CDH12: variants seen among roughly 807,000 people sequenced by gnomAD.
CDH12 encodes the protein cadherin 12.
CDH12 carries 41 observed loss-of-function variants against 74.1 expected under a neutral mutation model. The ratio of observed to expected loss-of-function variants is 0.55; its 90% CI spans 0.43 to 0.72. CDH12 has a LOEUF of 0.72. Among genes scored for constraint, CDH12 ranks in the 30% least tolerant of loss-of-function variants. The pLI, the probability that CDH12 is intolerant of heterozygous loss-of-function variation, is 0.00. For synonymous variants in CDH12, 399 were observed against 355.0 expected (o/e 1.12, Z -1.39); for missense variants, 945 against 977.2 (o/e 0.97, Z 0.44).
intron 5 of CDH12, among the ~76,000 whole-genome samples, chr5:22,060,157 T>C (rs1300763221): frequency 2.0e-5 from 3 of 152,134 alleles, no homozygotes; most frequent in Non-Finnish European, 2.9e-5. Flanking sequence ...AATGAGTTCA[T>C]GTCCTTTGCA....
intron 6 of CDH12, among the ~76,000 whole-genome samples, chr5:21,905,314 A>G (rs904934149): frequency 2.0e-5 from 3 of 152,228 alleles, no homozygotes; most frequent in Non-Finnish European, 2.9e-5. Context: ...TTAAAATTAC[A>G]AAGATTTGGG....
chr5:22,444,764 G>C (rs1273605673), intron 2 of CDH12, among the ~76,000 whole-genome samples: 1 of 151,940 alleles, frequency 6.6e-6, no homozygotes, highest in Non-Finnish European at 1.5e-5. Flanking sequence ...TATTTCAGAT[G>C]ATGATTAACC....
At chr5:22,009,967 A>G (rs1737207017) in intron 5 of CDH12, among the ~76,000 whole-genome samples, 1 of 151,086 alleles carries the variant, frequency 6.6e-6, no homozygotes, top group Non-Finnish European at 1.5e-5. Flanking sequence ...AAAGAAAAAA[A>G]GAAAGAAAAA....
intron 5 of CDH12, among the ~76,000 whole-genome samples, chr5:21,976,998 A>G (rs942892716): frequency 1.3e-5 from 2 of 152,104 alleles, no homozygotes; most frequent in African/African-American, 4.8e-5. Context: ...CTTTAAGTTC[A>G]ATAAAATAAT....
In CDH12 at chr5:21,925,115, G is replaced by A. The variant is rs554513465; in HGVS notation, c.526+49976C>T. Among the ~76,000 whole-genome samples, 5 of 152,296 alleles carry A rather than the reference G, an allele frequency of 3.3e-5. No individual in the cohort carries two copies. In the South Asian group the frequency reaches 6.2e-4, roughly 19 times the overall value. ...GCTACAGCGTTACTACAGCAGCAAA[G>A]ATGGGAAGATCAAATTCTGAATATT... On this transcript the variant is annotated intron_variant, in intron 6 of 14. Transcript: ENST00000382254.
intron 4 of CDH12, among the ~76,000 whole-genome samples, chr5:22,163,657 G>T (rs975175031): frequency 3.9e-5 from 6 of 152,068 alleles, no homozygotes; most frequent in African/African-American, 1.4e-4. Flanking sequence ...AGACACCATT[G>T]TCTCTTGCCT....
chr5:22,347,189 T>C (rs2150460842), intron 3 of CDH12, among the ~76,000 whole-genome samples: 1 of 152,306 alleles, frequency 6.6e-6, no homozygotes, highest in East Asian at 1.9e-4. Context: ...GGTGTGTCTG[T>C]GAGTGTGTTG....
At chr5:22,147,092 T>G (rs1229417750) in intron 4 of CDH12, among the ~76,000 whole-genome samples, 3 of 152,210 alleles carry the variant, frequency 2.0e-5, no homozygotes, top group African/African-American at 7.2e-5. Flanking sequence ...TTCCAGAAAT[T>G]TATCTACTGT....
At chr5:22,450,987 T>C (rs987964715) in intron 2 of CDH12, among the ~76,000 whole-genome samples, 2 of 151,722 alleles carry the variant, frequency 1.3e-5, no homozygotes, top group Admixed American at 6.6e-5. Context: ...TTTGGTCTTT[T>C]AGATCTCAGA....
intron 1 of CDH12, among the ~76,000 whole-genome samples, chr5:22,828,742 A>G (rs1296294506): frequency 6.6e-6 from 1 of 152,200 alleles, no homozygotes; most frequent in Non-Finnish European, 1.5e-5. Context: ...GGCTTCTCCA[A>G]GTACACAGAA....
At chr5:22,692,692 A>G (rs1346614780) in intron 1 of CDH12, among the ~76,000 whole-genome samples, 2 of 152,312 alleles carry the variant, frequency 1.3e-5, no homozygotes, top group Admixed American at 1.3e-4. Context: ...GTCACACAAC[A>G]TGAAAAAAAG....
At chr5:22,152,940 A>C (rs1004599796) in intron 4 of CDH12, among the ~76,000 whole-genome samples, 1 of 152,116 alleles carries the variant, frequency 6.6e-6, no homozygotes, top group Non-Finnish European at 1.5e-5. Context: ...CCCTAGGTTC[A>C]TGTCCTTTTT....
At chr5:21,993,425 A>G (rs1324911902) in intron 5 of CDH12, among the ~76,000 whole-genome samples, 5 of 152,176 alleles carry the variant, frequency 3.3e-5, no homozygotes, top group Admixed American at 1.3e-4. Context: ...TAACCCTATC[A>G]CATGAGACCT....
rs970263063 is a variant in CDH12, at chr5:22,127,063, T to C, written c.-186-48201A>G. ...CTCAAAATATGTGTGGGGTGGATTG[T>C]GGGGGTATTACATATTCATAGCATG... is the stretch of plus-strand genomic sequence containing the variant. On this transcript the variant is annotated intron_variant, in intron 4 of 14. Transcript: ENST00000382254. 4.2e-3 allele frequency among the ~76,000 whole-genome samples: 644 copies of C among 152,242 alleles called. 3 individuals carry two copies. The highest frequency in any genetic ancestry group is 0.015 in the African/African-American group (605 of 41,514).
At chr5:22,607,273 G>A (rs1016844341) in intron 1 of CDH12, among the ~76,000 whole-genome samples, 1 of 152,152 alleles carries the variant, frequency 6.6e-6, no homozygotes, top group Non-Finnish European at 1.5e-5. Context: ...TATGTCTCTA[G>A]GGCATGTCAG....
intron 6 of CDH12, chr5:21,883,931 C>A: frequency 6.2e-7 from 1 of 1,608,034 alleles, no homozygotes; most frequent in Non-Finnish European, 8.5e-7. Context: ...TCCTTCGATG[C>A]ATTCCAGCCT....
intron 4 of CDH12, among the ~76,000 whole-genome samples, chr5:22,093,844 A>G (rs1344715640): frequency 6.6e-6 from 1 of 152,210 alleles, no homozygotes; most frequent in Non-Finnish European, 1.5e-5. Flanking sequence ...TTTGGGCTGT[A>G]ATTAGTGGAC....
At chr5:22,420,656 C>T (rs1743607236) in intron 2 of CDH12, among the ~76,000 whole-genome samples, 1 of 151,984 alleles carries the variant, frequency 6.6e-6, no homozygotes, top group Non-Finnish European at 1.5e-5. Context: ...GCTATACAGG[C>T]TGATTTTTTG....
At chr5:22,765,269 A>G (rs1406679310) in intron 1 of CDH12, among the ~76,000 whole-genome samples, 1 of 151,928 alleles carries the variant, frequency 6.6e-6, no homozygotes, top group Non-Finnish European at 1.5e-5. Context: ...AATTACACTA[A>G]CAATAAACCA....
Sources: gnomAD v4.1 joint callset for allele counts (sites outside exome capture counted in the v4.1 genomes callset) on GRCh38, gnomAD v4.1.1 for gene constraint, MANE v1.5 for transcripts, NCBI Gene and HGNC (gene_info 2026-07-23, HGNC 2026-07-21) for gene names.